COMMD10: variants seen among roughly 807,000 people sequenced by gnomAD.
COMMD10 encodes the protein COMM domain containing 10, also known as COMM domain-containing protein 10.
A neutral mutation model predicts 28.9 loss-of-function variants in COMMD10; 33 were observed. The observed-to-expected ratio is 1.14, with a 90% CI of 0.87 to 1.53. The LOEUF is 1.53. Among genes scored for constraint, COMMD10 ranks in the 40% most tolerant of loss-of-function variants. The pLI is 0.00. For missense variants in COMMD10, 310 were observed against 233.4 expected, an observed-to-expected ratio of 1.33 and a Z score of -2.14; for synonymous variants, 110 against 81.7, an observed-to-expected ratio of 1.35 and a Z score of -1.87.
rs1749135592 is a variant in COMMD10, at chr5:116,217,469, C to A, written c.511-74048C>A. Among the ~76,000 whole-genome samples, 5 of 152,178 alleles carry A rather than the reference C, an allele frequency of 3.3e-5. No homozygotes were observed. In the South Asian group the frequency reaches 1.0e-3, roughly 32 times the overall value. On this transcript the variant is annotated intron_variant, in intron 5 of 6. Coordinates refer to ENST00000274458, the MANE Select transcript of COMMD10 (RefSeq NM_016144.4). ...TTTAACAACTTTTCACAAGCTGACCCTGACTATCAGGAAGTGAAATGAAAA... is the reference window on the plus strand; with the variant it reads ...TTTAACAACTTTTCACAAGCTGACCATGACTATCAGGAAGTGAAATGAAAA...
intron 5 of COMMD10, among the ~76,000 whole-genome samples, chr5:116,166,598 G>C (rs1753107999): frequency 1.3e-5 from 2 of 152,170 alleles, no homozygotes; most frequent in South Asian, 4.1e-4. Flanking sequence ...GAGAGCTCCA[G>C]CTGACATCTG....
At position 116,292,463 on chromosome 5, in the gene COMMD10, C is replaced by T. The variant is rs867503044; in HGVS notation, c.583C>T (p.Gln195Ter). ...TCTTTGTAAATAGCTAGAGACTATA[C>T]AAGCACAGCTGGATTCCCTTACATG... ...FDFYNKLETI[Q>*]AQLDSLT Residue 195 changes from glutamine to a stop codon, truncating the protein, a stop_gained, in exon 7 of 7, where the codon CAA (glutamine) becomes TAA (stop). Coordinates refer to ENST00000274458, the MANE Select transcript of COMMD10 (RefSeq NM_016144.4). LOFTEE classifies it high-confidence loss of function. The T allele has an allele frequency of 1.3e-6, 2 of 1,551,730 alleles. No homozygotes were observed. The highest frequency in any genetic ancestry group is 1.2e-5 in the South Asian group (1 of 83,654).
At position 116,101,588 on chromosome 5, in the gene COMMD10, G is replaced by A. The variant is rs185675848; in HGVS notation, c.399+8888G>A. Among the ~76,000 whole-genome samples the A allele has an allele frequency of 2.9e-3, 448 of 151,888 alleles. 3 individuals are homozygous for A. Among genetic ancestry groups the A allele is most frequent in the African/African-American group, 0.01 (431 of 41,444 alleles). On this transcript the variant is annotated intron_variant, in intron 4 of 6. Transcript: ENST00000274458. ...ATTACAGGCGCACACCACCACGCCCGGCTAATTTTTGTATTTTTAGTAGAG... is the reference window on the plus strand; with the variant it reads ...ATTACAGGCGCACACCACCACGCCCAGCTAATTTTTGTATTTTTAGTAGAG...
chr5:116,186,532 G>C (rs1748144283), intron 5 of COMMD10, among the ~76,000 whole-genome samples: 1 of 152,092 alleles, frequency 6.6e-6, no homozygotes, highest in East Asian at 1.9e-4. Context: ...TATCAGATGT[G>C]ATCTTCTGAA....
chr5:116,164,700 A>C (rs1334013167), intron 5 of COMMD10, among the ~76,000 whole-genome samples: 1 of 152,234 alleles, frequency 6.6e-6, no homozygotes, highest in African/African-American at 2.4e-5. Flanking sequence ...ACTCATAATA[A>C]TATCTGAAAT....
At chr5:116,197,839 G>A (rs1173323763) in intron 5 of COMMD10, among the ~76,000 whole-genome samples, 1 of 152,174 alleles carries the variant, frequency 6.6e-6, no homozygotes, top group Non-Finnish European at 1.5e-5. Flanking sequence ...AAGAAGTACA[G>A]GGAGATTACA....
At chr5:116,150,256 G>A (rs1449804354) in intron 5 of COMMD10, among the ~76,000 whole-genome samples, 1 of 152,098 alleles carries the variant, frequency 6.6e-6, no homozygotes, top group Admixed American at 6.6e-5. Flanking sequence ...TTTGGTTACT[G>A]TAGCCTTGTA....
chr5:116,090,012 T>G (rs1750245424), intron 2 of COMMD10, among the ~76,000 whole-genome samples: 1 of 152,168 alleles, frequency 6.6e-6, no homozygotes, highest in African/African-American at 2.4e-5. Context: ...GCAGGCAGAT[T>G]GGTGAAGAGG....
intron 5 of COMMD10, among the ~76,000 whole-genome samples, chr5:116,150,091 C>T (rs1752471176): frequency 6.6e-6 from 1 of 152,078 alleles, no homozygotes; most frequent in South Asian, 2.1e-4. Context: ...CCAGTTTCCC[C>T]AGCACCATTT....
At chr5:116,283,242 C>G (rs1751122099) in intron 5 of COMMD10, among the ~76,000 whole-genome samples, 1 of 151,900 alleles carries the variant, frequency 6.6e-6, no homozygotes, top group African/African-American at 2.4e-5. Flanking sequence ...AACAAAAACT[C>G]TACCTTATTT....
chr5:116,217,167 G>A (rs2112569), intron 5 of COMMD10, among the ~76,000 whole-genome samples: 3 of 148,854 alleles, frequency 2.0e-5, no homozygotes, highest in Non-Finnish European at 3.0e-5. Flanking sequence ...AAAAGTCCCC[G>A]CAATCCCACT....
intron 1 of COMMD10, among the ~76,000 whole-genome samples, chr5:116,086,828 A>T (rs1052198578): frequency 2.0e-5 from 3 of 152,082 alleles, no homozygotes; most frequent in African/African-American, 7.2e-5. Flanking sequence ...AAATACAAAA[A>T]TTAGCCAGCG....
At chr5:116,207,836 CT>C (rs1748854673) in intron 5 of COMMD10, among the ~76,000 whole-genome samples, 1 of 152,118 alleles carries the variant, frequency 6.6e-6, no homozygotes, top group South Asian at 2.1e-4. Flanking sequence ...AGTATTTTCT[CT>C]GTATCACACT....
At chr5:116,116,049 G>A (rs1194313823) in intron 4 of COMMD10, among the ~76,000 whole-genome samples, 1 of 152,034 alleles carries the variant, frequency 6.6e-6, no homozygotes, top group African/African-American at 2.4e-5. Flanking sequence ...CCAAGTACAT[G>A]GCAGATTTTC....
intron 4 of COMMD10, among the ~76,000 whole-genome samples, chr5:116,096,071 A>G (rs1314670099): frequency 1.3e-5 from 2 of 152,052 alleles, no homozygotes; most frequent in East Asian, 1.9e-4. Context: ...TCTTTTTTAT[A>G]ATTGTTTTGG....
intron 5 of COMMD10, among the ~76,000 whole-genome samples, chr5:116,191,912 C>T (rs1036736802): frequency 4.0e-5 from 6 of 151,012 alleles, no homozygotes; most frequent in Non-Finnish European, 5.9e-5. Flanking sequence ...ATCCTCCCAC[C>T]CCCCACTAAC....
At chr5:116,131,213 T>C (rs756009438) in intron 4 of COMMD10, among the ~76,000 whole-genome samples, 2 of 151,958 alleles carry the variant, frequency 1.3e-5, no homozygotes, top group African/African-American at 2.4e-5. Flanking sequence ...AAGAGGTGAA[T>C]AGAATATGTA....
intron 5 of COMMD10, among the ~76,000 whole-genome samples, chr5:116,163,977 A>T (rs550870476): frequency 6.6e-6 from 1 of 152,274 alleles, no homozygotes; most frequent in South Asian, 2.1e-4. Context: ...GTTTATCTAC[A>T]AAGGGGTGAT....
chr5:116,085,164 C>G, intron 1 of COMMD10, 71 bp downstream of exon 1: 1 of 1,250,710 alleles, frequency 8.0e-7, no homozygotes, highest in East Asian at 5.4e-5. Context: ...ACAAGGCTGT[C>G]CTTGCTGCCT....
Sources: gnomAD v4.1 joint callset for allele counts (sites outside exome capture counted in the v4.1 genomes callset) on GRCh38, gnomAD v4.1.1 for gene constraint, MANE v1.5 for transcripts, NCBI Gene and HGNC (gene_info 2026-07-23, HGNC 2026-07-21) for gene names.